The following SNX4 variants were observed in gnomAD, a reference collection of about 807,000 sequenced individuals.
SNX4 encodes sorting nexin-4.
A neutral mutation model predicts 70.8 loss-of-function variants in SNX4; 49 were observed. The ratio of observed to expected loss-of-function variants is 0.69; its 90% CI spans 0.55 to 0.88. The LOEUF (loss-of-function observed/expected upper bound fraction) is 0.88, where lower values mean the gene tolerates loss of function less well. Ranked by LOEUF, SNX4 falls within the 40% of genes least tolerant of loss-of-function variation. The pLI, the probability that SNX4 is intolerant of heterozygous loss-of-function variation, is 0.00. For synonymous variants in SNX4, 206 were observed against 183.8 expected (o/e 1.12, Z -0.98); for missense variants, 528 against 544.8 (o/e 0.97, Z 0.31).
At chr3:125,516,452 G>A (rs1277676426) in intron 1 of SNX4, among the ~76,000 whole-genome samples, 1 of 152,188 alleles carries the variant, frequency 6.6e-6, no homozygotes, top group Non-Finnish European at 1.5e-5. Context: ...GTTAAAACCA[G>A]AAGAGTCTTG....
At chr3:125,474,818 G>A (rs1033868091) in intron 8 of SNX4, among the ~76,000 whole-genome samples, 2 of 145,556 alleles carry the variant, frequency 1.4e-5, no homozygotes, top group Non-Finnish European at 3.0e-5. Context: ...TGCTACCTTT[G>A]AGAATGTTTA....
chr3:125,479,643 C>A (rs1413333017), intron 7 of SNX4, among the ~76,000 whole-genome samples: 1 of 152,126 alleles, frequency 6.6e-6, no homozygotes, highest in Non-Finnish European at 1.5e-5. Context: ...GTATCCTAGT[C>A]TCTTTCAATG....
intron 6 of SNX4, among the ~76,000 whole-genome samples, chr3:125,488,198 A>G (rs901769872): frequency 6.2e-5 from 9 of 144,794 alleles, no homozygotes; most frequent in African/African-American, 2.0e-4. Context: ...AAAAAAGGCC[A>G]GGCATGGTGG....
chr3:125,475,221 C>A (rs966841236), intron 8 of SNX4, among the ~76,000 whole-genome samples: 1 of 152,146 alleles, frequency 6.6e-6, no homozygotes, highest in African/African-American at 2.4e-5. Context: ...ACCTACTACT[C>A]TAATAAATGA....
intron 1 of SNX4, among the ~76,000 whole-genome samples, chr3:125,510,159 CATG>C (rs1935139625): frequency 6.6e-6 from 1 of 152,076 alleles, no homozygotes; most frequent in African/African-American, 2.4e-5. Flanking sequence ...TTTGCATATC[CATG>C]ATGTCATGGT....
chr3:125,462,208 T>C (rs1462075806), intron 9 of SNX4, among the ~76,000 whole-genome samples: 2 of 152,182 alleles, frequency 1.3e-5, no homozygotes. Flanking sequence ...TCATATCCCA[T>C]GTGTTGGTTT....
At chr3:125,458,870 A>C (rs1409798536) in intron 10 of SNX4, among the ~76,000 whole-genome samples, 1 of 114,726 alleles carries the variant, frequency 8.7e-6, no homozygotes, top group Non-Finnish European at 1.8e-5. Flanking sequence ...CTAATACAGC[A>C]ATGCACAAAG....
rs527759022 is a variant in SNX4, at chr3:125,498,601, T to C, written c.264-407A>G. ...CATGTATTTTCATATTTAATCCTTATGACAACCCTGTGAGGCAGAGATTTA... is the reference window on the plus strand; with the variant it reads ...CATGTATTTTCATATTTAATCCTTACGACAACCCTGTGAGGCAGAGATTTA... On this transcript the variant is annotated intron_variant, in intron 2 of 13. Coordinates refer to ENST00000251775, the MANE Select transcript of SNX4 (RefSeq NM_003794.4). 1.2e-4 allele frequency among the ~76,000 whole-genome samples: 19 copies of C among 152,338 alleles called. No individual in the cohort carries two copies. In the South Asian group the frequency reaches 1.7e-3, roughly 13 times the overall value.
rs756546610 is a variant in SNX4 at position 125,489,412 on chromosome 3, C to A, written c.649G>T (p.Asp217Tyr). The A allele has an allele frequency of 9.3e-5, 150 of 1,611,780 alleles. No homozygotes were observed. The highest frequency in any genetic ancestry group is 1.2e-4 in the Non-Finnish European group (147 of 1,178,542). ...GTTATTAAAACAAAACCTTACTTGT[C>A]TGGGTTTTTCACTCTGAATGTTGCA... is the stretch of plus-strand genomic sequence containing the variant. The part of the protein sequence containing the change: ...LNATFRVKNP[D>Y]KRFTDLKHYS... Residue 217 changes from aspartate (D) to tyrosine (Y), a missense_variant, in exon 6 of 14, where the codon GAC becomes TAC. Transcript: ENST00000251775.
intron 5 of SNX4, among the ~76,000 whole-genome samples, chr3:125,491,729 T>C (rs1934663271): frequency 1.3e-5 from 2 of 152,206 alleles, no homozygotes; most frequent in Admixed American, 6.5e-5. Flanking sequence ...TTCATTATTG[T>C]TTCCTATGAT....
At chr3:125,507,401 G>A (rs1364356161) in intron 1 of SNX4, among the ~76,000 whole-genome samples, 1 of 152,112 alleles carries the variant, frequency 6.6e-6, no homozygotes, top group Non-Finnish European at 1.5e-5. Flanking sequence ...TAAGGGACAT[G>A]CAGGACACCA....
At chr3:125,519,977 C>CA in intron 1 of SNX4, 55 bp downstream of exon 1, 18 of 1,463,392 alleles carry the variant, frequency 1.2e-5, no homozygotes, top group Non-Finnish European at 1.5e-5. Context: ...CAGCCCAGCC[C>CA]GGCCCGCTAG....
intron 1 of SNX4, among the ~76,000 whole-genome samples, chr3:125,510,137 C>T (rs1935139174): frequency 6.6e-6 from 1 of 152,118 alleles, no homozygotes; most frequent in African/African-American, 2.4e-5. Flanking sequence ...AAAGCAGGGT[C>T]TCAAAGAGAT....
At chr3:125,480,089 A>G (rs1212090456) in intron 7 of SNX4, among the ~76,000 whole-genome samples, 158 bp downstream of exon 7, 1 of 152,206 alleles carries the variant, frequency 6.6e-6, no homozygotes, top group Non-Finnish European at 1.5e-5. Context: ...ACCATTGCAC[A>G]TTTTTTTAAA....
chr3:125,472,403 T>C (rs1371865055), intron 8 of SNX4, among the ~76,000 whole-genome samples: 2 of 152,200 alleles, frequency 1.3e-5, no homozygotes, highest in South Asian at 2.1e-4. Flanking sequence ...TTCCGAAGTG[T>C]TGCCTTCATC....
intron 11 of SNX4, among the ~76,000 whole-genome samples, chr3:125,456,942 T>A (rs1033707266): frequency 2.0e-5 from 3 of 150,302 alleles, no homozygotes; most frequent in African/African-American, 7.4e-5. Flanking sequence ...ATTACAGGTG[T>A]GAGCCACCGT....
chr3:125,478,698 A>T (rs906109978), intron 7 of SNX4, among the ~76,000 whole-genome samples: 2 of 152,020 alleles, frequency 1.3e-5, no homozygotes, highest in Non-Finnish European at 2.9e-5. Flanking sequence ...ATCCTCTACT[A>T]AGATATTAAG....
chr3:125,499,770 A>C (rs1934883891), intron 2 of SNX4, among the ~76,000 whole-genome samples: 3 of 151,842 alleles, frequency 2.0e-5, no homozygotes, highest in Non-Finnish European at 1.5e-5. Flanking sequence ...TTTAAAAAAA[A>C]AAAAAAAAAA....
chr3:125,453,538 A>C (rs377223906), intron 12 of SNX4, among the ~76,000 whole-genome samples: 1 of 151,378 alleles, frequency 6.6e-6, no homozygotes, highest in East Asian at 1.9e-4. Context: ...CTGTAGAGAC[A>C]GGGTCTTCCT....
Sources: allele counts gnomAD v4.1 joint callset (sites outside exome capture counted in the v4.1 genomes callset), GRCh38; gene constraint gnomAD v4.1.1; transcripts MANE v1.5; gene names NCBI Gene and HGNC (gene_info 2026-07-23, HGNC 2026-07-21).